The following MRPS9 variants were observed in gnomAD, a reference collection of about 807,000 sequenced individuals.
MRPS9 encodes the protein mitochondrial ribosomal protein S9.
In MRPS9, 45 loss-of-function variants were observed where a neutral mutation model predicts 59.9. The ratio of observed to expected loss-of-function variants is 0.75; its 90% CI spans 0.59 to 0.96. The LOEUF is 0.96. Ranked by LOEUF, MRPS9 falls within the 40% of genes least tolerant of loss-of-function variation. The pLI, the probability that MRPS9 is intolerant of heterozygous loss-of-function variation, is 0.00. For synonymous variants in MRPS9, 171 were observed against 166.8 expected (o/e 1.03, Z -0.19); for missense variants, 473 against 481.1 (o/e 0.98, Z 0.16).
At chr2:105,080,306 C>A (rs558383550) in intron 5 of MRPS9, among the ~76,000 whole-genome samples, 2 of 152,248 alleles carry the variant, frequency 1.3e-5, no homozygotes, top group Admixed American at 1.3e-4. Context: ...AAATTGAAAT[C>A]ATGTTCCAAG....
At chr2:105,097,566 A>G (rs1411590940) in intron 10 of MRPS9, among the ~76,000 whole-genome samples, 2 of 152,238 alleles carry the variant, frequency 1.3e-5, no homozygotes, top group Non-Finnish European at 2.9e-5. Context: ...CCCTGCTAAA[A>G]TGTTCAGTTC....
rs761625349 is a variant in MRPS9, at chr2:105,097,296, C to T, written c.1071C>T (p.Thr357=). 16 of 1,609,072 alleles carry T rather than the reference C, an allele frequency of 9.9e-6. No individual in the cohort carries two copies. The highest frequency in any genetic ancestry group is 1.6e-4 in the Middle Eastern group (1 of 6,068). The change falls in exon 10 of 11, where the codon ACC becomes ACT. Residue 357 remains threonine (T), a synonymous_variant. Coordinates refer to ENST00000258455, the MANE Select transcript of MRPS9 (RefSeq NM_182640.3). ...CAAAAGCCTTGTGCAGCTTTGTCACCGAGGACGAGGTCGAGTGGATGAGAC... is the reference window on the plus strand; with the variant it reads ...CAAAAGCCTTGTGCAGCTTTGTCACTGAGGACGAGGTCGAGTGGATGAGAC... ...AMAKALCSFV[T]EDEVEWMRQA...
At chr2:105,067,211 A>G (rs900617948) in intron 2 of MRPS9, among the ~76,000 whole-genome samples, 1 of 152,228 alleles carries the variant, frequency 6.6e-6, no homozygotes, top group African/African-American at 2.4e-5. Context: ...TGCCATATAT[A>G]TAATCTTCGT....
intron 4 of MRPS9, among the ~76,000 whole-genome samples, chr2:105,073,782 G>C (rs1295515801): frequency 6.6e-6 from 1 of 152,178 alleles, no homozygotes; most frequent in Admixed American, 6.5e-5. Flanking sequence ...AATTTATGTT[G>C]ATAAAACCTA....
chr2:105,075,142 C>G (rs1441546878), intron 4 of MRPS9, among the ~76,000 whole-genome samples: 1 of 152,096 alleles, frequency 6.6e-6, no homozygotes, highest in Non-Finnish European at 1.5e-5. Context: ...ATAGGGTTCA[C>G]GCTCCTATGA....
intron 9 of MRPS9, among the ~76,000 whole-genome samples, chr2:105,095,725 G>A (rs954644666): frequency 5.3e-5 from 8 of 151,856 alleles, no homozygotes; most frequent in African/African-American, 7.3e-5. Flanking sequence ...TCAAACTCCC[G>A]ACCTCAGGTG....
At position 105,080,011 on chromosome 2, in the gene MRPS9, A is replaced by C. The variant is rs1196270363; in HGVS notation, c.438A>C (p.Pro146=). ...TCCAGTGGGGAGAAGATGGCCGTCC[A>C]TTTCACTATCTCTTCTATACTGGCA... ...RAIQWGEDGR[P]FHYLFYTGKQ... is the part of the protein sequence containing the mutation. Residue 146 remains proline (P), a synonymous_variant, in exon 5 of 11, where the codon CCA becomes CCC. Coordinates refer to ENST00000258455, the MANE Select transcript of MRPS9 (RefSeq NM_182640.3). The C allele has an allele frequency of 6.2e-7, 1 of 1,611,964 alleles. No individual in the cohort carries two copies. The highest frequency in any genetic ancestry group is 2.2e-5 in the East Asian group (1 of 44,682).
intron 2 of MRPS9, among the ~76,000 whole-genome samples, chr2:105,053,336 A>C (rs1438441049): frequency 2.6e-5 from 4 of 152,198 alleles, no homozygotes; most frequent in Non-Finnish European, 4.4e-5. Flanking sequence ...TTAAAAGTCT[A>C]GGCTCACTAT....
intron 2 of MRPS9, among the ~76,000 whole-genome samples, chr2:105,050,913 A>G (rs542239714): frequency 1.3e-5 from 2 of 152,286 alleles, no homozygotes; most frequent in South Asian, 4.1e-4. Context: ...ACATTGTGGC[A>G]TGTGTCAGTA....
chr2:105,062,871 A>G (rs1268922750), intron 2 of MRPS9, among the ~76,000 whole-genome samples: 4 of 152,340 alleles, frequency 2.6e-5, no homozygotes, highest in Admixed American at 6.5e-5. Context: ...TCTACTGGAC[A>G]TGTTAGGATT....
chr2:105,092,539 G>T lies in MRPS9; in HGVS notation c.790G>T (p.Glu264Ter). 1 of 1,606,188 alleles carries T rather than the reference G, an allele frequency of 6.2e-7. No homozygotes were observed. Among genetic ancestry groups the T allele is most frequent in the South Asian group, 1.1e-5 (1 of 89,262 alleles). The change falls in exon 8 of 11, where the codon GAG becomes TAG. Residue 264 changes from glutamate to a stop codon, truncating the protein, a stop_gained. Transcript: ENST00000258455. LOFTEE classifies it high-confidence loss of function. Reference sequence around the variant, plus strand: ...GCTGATTGAACCTGTACAGTATGATGAGCAAGGAATGGCCTTTAGCAAAAG... The same window carrying T: ...GCTGATTGAACCTGTACAGTATGATTAGCAAGGAATGGCCTTTAGCAAAAG... ...KQLIEPVQYDEQGMAFSKSEG... is the reference protein window; with the variant it reads ...KQLIEPVQYD
At chr2:105,065,801 A>G (rs553879779) in intron 2 of MRPS9, among the ~76,000 whole-genome samples, 1 of 152,194 alleles carries the variant, frequency 6.6e-6, no homozygotes, top group Non-Finnish European at 1.5e-5. Flanking sequence ...CTCTTGTTAT[A>G]TGTATTTGTT....
chr2:105,041,101 A>G (rs1238501172), intron 1 of MRPS9, among the ~76,000 whole-genome samples: 1 of 152,176 alleles, frequency 6.6e-6, no homozygotes, highest in East Asian at 1.9e-4. Context: ...TTGCTATGCT[A>G]AGGTAGCTGA....
intron 5 of MRPS9, among the ~76,000 whole-genome samples, chr2:105,082,601 C>T (rs1680369264): frequency 6.6e-6 from 1 of 152,144 alleles, no homozygotes; most frequent in African/African-American, 2.4e-5. Context: ...TTTAGTCCAT[C>T]CACTTTCTCT....
intron 4 of MRPS9, among the ~76,000 whole-genome samples, chr2:105,077,859 A>C (rs751691583): frequency 3.3e-5 from 5 of 152,248 alleles, no homozygotes; most frequent in Non-Finnish European, 7.3e-5. Flanking sequence ...CTAAGGGAAG[A>C]CAATATTCCA....
At chr2:105,078,833 A>T (rs11904480) in intron 4 of MRPS9, among the ~76,000 whole-genome samples, 30,209 of 152,126 alleles carry the variant, frequency 0.2, 3,134 homozygotes, top group Middle Eastern at 0.35. Flanking sequence ...AAATATTTGA[A>T]CATGAAAATA....
At position 105,089,075 on chromosome 2, in the gene MRPS9, C is replaced by T. The variant is rs1222589281; in HGVS notation, c.575+6C>T. The T allele has an allele frequency of 6.3e-7, 1 of 1,598,922 alleles. No individual in the cohort carries two copies. On this transcript the variant is annotated splice_donor_region_variant and intron_variant, in intron 6 of 10. Coordinates refer to ENST00000258455, the MANE Select transcript of MRPS9 (RefSeq NM_182640.3). Reference sequence around the variant, plus strand: ...CCAGAAAAAACTGTAACCAGGTAAGCTCTTTTCTTGCATTAAAATATAAGT... The same window carrying T: ...CCAGAAAAAACTGTAACCAGGTAAGTTCTTTTCTTGCATTAAAATATAAGT...
chr2:105,072,742 A>C (rs1680137677), intron 4 of MRPS9, among the ~76,000 whole-genome samples: 1 of 152,178 alleles, frequency 6.6e-6, no homozygotes. Flanking sequence ...TTTATTTTGC[A>C]GTGGTATTTC....
chr2:105,060,592 T>C (rs1203196462), intron 2 of MRPS9, among the ~76,000 whole-genome samples: 1 of 152,132 alleles, frequency 6.6e-6, no homozygotes, highest in Non-Finnish European at 1.5e-5. Flanking sequence ...CTATTGTGTG[T>C]TTTGGAAAAC....
Sources: gnomAD v4.1 joint callset for allele counts (sites outside exome capture counted in the v4.1 genomes callset) on GRCh38, gnomAD v4.1.1 for gene constraint, MANE v1.5 for transcripts, NCBI Gene and HGNC (gene_info 2026-07-23, HGNC 2026-07-21) for gene names.